The following KLRB1 variants were observed in gnomAD, a reference collection of about 807,000 sequenced individuals.
KLRB1 encodes the protein killer cell lectin-like receptor subfamily B member 1.
In KLRB1, 27 loss-of-function variants were observed where a neutral mutation model predicts 33.5. That is an observed-to-expected ratio of 0.81 (90% CI 0.59 to 1.11). KLRB1 has a LOEUF of 1.11. Ranked by LOEUF, KLRB1 falls within the 50% of genes most tolerant of loss-of-function variation. The pLI, the probability that KLRB1 is intolerant of heterozygous loss-of-function variation, is 0.00. For missense variants in KLRB1, 241 were observed against 254.1 expected (o/e 0.95, Z 0.35); for synonymous variants, 64 against 88.9 (o/e 0.72, Z 1.58).
At position 9,598,598 on chromosome 12, in the gene KLRB1, G is replaced by A. The variant is rs763932546; in HGVS notation, c.315C>T (p.Cys105=). 5 of 1,612,880 alleles carry A rather than the reference G, an allele frequency of 3.1e-6. No individual in the cohort carries two copies. In the East Asian group the frequency reaches 6.7e-5, roughly 22 times the overall value. ...PIYWQQLREK[C]LLFSHTVNPW... ...GGTTGACAGTGTGAGAAAATAACAA[G>A]CATTTCTCTCGGAGTTGCTGCCAAT... is the stretch of plus-strand genomic sequence containing the variant. The change falls in exon 4 of 6, where the codon TGC becomes TGT. Residue 105 remains cysteine (C), a synonymous_variant. Transcript: ENST00000229402.
intron 1 of KLRB1, chr12:9,607,547 T>A (rs909778167): frequency 2.0e-6 from 1 of 494,052 alleles, no homozygotes; most frequent in African/African-American, 2.0e-5. Context: ...CTTTTCATGC[T>A]AACTTGATTG....
Position 9,607,864 on chromosome 12 carries a change from A to C in KLRB1, c.-25T>G. 1 of 1,530,384 alleles carries C rather than the reference A, an allele frequency of 6.5e-7. No individual in the cohort carries two copies. Among genetic ancestry groups the C allele is most frequent in the Non-Finnish European group, 9.1e-7 (1 of 1,104,614 alleles). The allele number at this position is 1,530,384 out of a possible 1,614,324, so 94.8% of individuals were successfully genotyped here. A position where few individuals can be genotyped will look rare whatever the true frequency, so the allele number is the denominator to read the frequency against. ...TGGCAGACAGAGGAAGGTGGCATTAAACTTGTGTGTAAGAACAAACTCTCA... is the reference window on the plus strand; with the variant it reads ...TGGCAGACAGAGGAAGGTGGCATTACACTTGTGTGTAAGAACAAACTCTCA... On this transcript the variant is annotated 5_prime_UTR_variant, in exon 1 of 6. Coordinates refer to ENST00000229402, the MANE Select transcript of KLRB1 (RefSeq NM_002258.3).
intron 1 of KLRB1, among the ~76,000 whole-genome samples, chr12:9,607,332 T>TCTTTCTTCCTTTCTTTCTTTC (rs1264714647): frequency 8.5e-5 from 5 of 58,620 alleles, no homozygotes; most frequent in Admixed American, 2.1e-4. Flanking sequence ...TTTCTCTTTC[T>TCTTTCTTCCTTTCTTTCTTTC]TTCCTTTCTT....
Position 9,607,382 on chromosome 12 carries a change from T to TTCTC in KLRB1, c.85+372_85+373insGAGA, listed in dbSNP as rs1391013940. ...TTTCTTTCTTTCTTTCTTTCTTTCT[T>TTCTC]TCTTTCTTTCTTTCTTTCTTTCTTT... is the stretch of plus-strand genomic sequence containing the variant. On this transcript the variant is annotated intron_variant, in intron 1 of 5. Coordinates refer to ENST00000229402, the MANE Select transcript of KLRB1 (RefSeq NM_002258.3). 1.1e-3 allele frequency among the ~76,000 whole-genome samples: 100 copies of TTCTC among 94,288 alleles called. 1 individual carries two copies. Among genetic ancestry groups the TTCTC allele is most frequent in the African/African-American group, 2.8e-3 (82 of 29,196 alleles). The allele number at this position is 94,288 out of a possible 152,430, so 61.9% of individuals were successfully genotyped here. A position where few individuals can be genotyped will look rare whatever the true frequency, so the allele number is the denominator to read the frequency against.
intron 1 of KLRB1, among the ~76,000 whole-genome samples, chr12:9,607,407 T>TCTTTCTC (rs779896872): frequency 7.1e-6 from 1 of 141,766 alleles, no homozygotes; most frequent in Non-Finnish European, 1.6e-5. Flanking sequence ...TTTCTTTCTT[T>TCTTTCTC]TCTTTCTTTC....
At chr12:9,603,903 T>C (rs753803156) in intron 1 of KLRB1, among the ~76,000 whole-genome samples, 1 of 152,316 alleles carries the variant, frequency 6.6e-6, no homozygotes, top group East Asian at 1.9e-4. Context: ...TGGAATATTA[T>C]CTATGTCATA....
intron 1 of KLRB1, among the ~76,000 whole-genome samples, chr12:9,606,746 ATATATATATATATATTTTTTT>A (rs1864607834): frequency 3.9e-5 from 1 of 25,920 alleles, no homozygotes; most frequent in African/African-American, 1.7e-4. Context: ...ATATATATAT[ATATATATATATATATTTTTTT>A]TTTTTTTTTG....
At chr12:9,607,390 T>G (rs184846644) in intron 1 of KLRB1, among the ~76,000 whole-genome samples, 1,250 of 112,694 alleles carry the variant, frequency 0.011, 47 homozygotes, top group African/African-American at 0.034. Context: ...CTTTCTTTCT[T>G]TCTTTCTTTC....
rs533675115 is a variant in KLRB1, at chr12:9,600,861, A to T, written c.184+640T>A. ...GGCCTCGTGGGAAGGGAAAGACCTG[A>T]CCGTCCCCCAGCCCGACACCCGTAA... is the stretch of plus-strand genomic sequence containing the variant. On this transcript the variant is annotated intron_variant, in intron 2 of 5. Transcript: ENST00000229402. 2.5e-3 allele frequency among the ~76,000 whole-genome samples: 376 copies of T among 151,846 alleles called. 2 individuals are homozygous for T. The highest frequency in any genetic ancestry group is 4.3e-3 in the Non-Finnish European group (294 of 67,932).
chr12:9,602,892 G>C (rs1864560212), intron 1 of KLRB1, among the ~76,000 whole-genome samples: 1 of 152,122 alleles, frequency 6.6e-6, no homozygotes, highest in African/African-American at 2.4e-5. Flanking sequence ...TATCCTTGAG[G>C]ATTAAGTTGT....
At chr12:9,603,428 T>TTTA (rs1157728228) in intron 1 of KLRB1, among the ~76,000 whole-genome samples, 2 of 151,590 alleles carry the variant, frequency 1.3e-5, no homozygotes, top group Non-Finnish European at 2.9e-5. Context: ...CTTAATTCTA[T>TTTA]TTATTTATTT....
At chr12:9,599,965 G>A (rs1486832032) in intron 2 of KLRB1, 124 bp from the exon 3 acceptor site, 4 of 471,148 alleles carry the variant, frequency 8.5e-6, no homozygotes, top group Non-Finnish European at 1.5e-5. Flanking sequence ...GAAAATAAAA[G>A]TATTAGCGAA....
At chr12:9,600,128 A>G (rs190553253) in intron 2 of KLRB1, among the ~76,000 whole-genome samples, 5 of 152,322 alleles carry the variant, frequency 3.3e-5, no homozygotes, top group African/African-American at 1.2e-4. Context: ...TAAATTGCCT[A>G]CAGTCTCACC....
intron 4 of KLRB1, 33 bp downstream of exon 4, chr12:9,598,466 A>C (rs1173367996): frequency 1.1e-5 from 17 of 1,571,442 alleles, no homozygotes; most frequent in Non-Finnish European, 1.4e-5. Flanking sequence ...GAAAGTGTTA[A>C]GTTTTATTAA....
At chr12:9,598,425 G>A in intron 4 of KLRB1, 74 bp downstream of exon 4, 1 of 1,259,026 alleles carries the variant, frequency 7.9e-7, no homozygotes, top group Non-Finnish European at 1.1e-6. Context: ...AAAACCCCTG[G>A]GCTAATGCAC....
At chr12:9,606,407 C>G (rs758106684) in intron 1 of KLRB1, 75 of 152,124 alleles carry the variant, frequency 4.9e-4, no homozygotes, top group African/African-American at 1.8e-3. Flanking sequence ...TTCTTTCACT[C>G]AGAATGCTAA....
intron 5 of KLRB1, among the ~76,000 whole-genome samples, chr12:9,597,552 CTCTG>C (rs1442452860): frequency 6.6e-6 from 1 of 152,108 alleles, no homozygotes; most frequent in Non-Finnish European, 1.5e-5. Context: ...TCTCAAGTAC[CTCTG>C]TCTTTCACAC....
chr12:9,607,335 C>CTTCCTTCCTTCCTTTCTTTCTTTCTTT (rs1491505010), intron 1 of KLRB1, among the ~76,000 whole-genome samples: 1 of 65,170 alleles, frequency 1.5e-5, no homozygotes, highest in Non-Finnish European at 3.6e-5. Context: ...CTCTTTCTTT[C>CTTCCTTCCTTCCTTTCTTTCTTTCTTT]CTTTCTTTCT....
intron 1 of KLRB1, among the ~76,000 whole-genome samples, chr12:9,603,631 T>A (rs1217220358): frequency 2.0e-5 from 3 of 149,940 alleles, no homozygotes; most frequent in Non-Finnish European, 4.4e-5. Context: ...GAGACGGGTT[T>A]CTCCATGTTG....
Sources: allele counts gnomAD v4.1 joint callset (sites outside exome capture counted in the v4.1 genomes callset), GRCh38; gene constraint gnomAD v4.1.1; transcripts MANE v1.5; gene names NCBI Gene and HGNC (gene_info 2026-07-23, HGNC 2026-07-21).